SEMA6D: variants seen among roughly 807,000 people sequenced by gnomAD.
SEMA6D encodes the protein semaphorin 6D.
In SEMA6D, 35 loss-of-function variants were observed where a neutral mutation model predicts 106.6. That is an observed-to-expected ratio of 0.33 (90% CI 0.25 to 0.44). The LOEUF (loss-of-function observed/expected upper bound fraction) is 0.44. Ranked by LOEUF, SEMA6D falls within the 20% of genes least tolerant of loss-of-function variation. The pLI, the probability that SEMA6D is intolerant of heterozygous loss-of-function variation, is 1.00. For missense variants in SEMA6D, 1,185 were observed against 1,345.9 expected, an observed-to-expected ratio of 0.88 and a Z score of 1.87; for synonymous variants, 499 against 487.7, an observed-to-expected ratio of 1.02 and a Z score of -0.31.
chr15:47,405,420 C>T (rs1029983539), intron 1 of SEMA6D, among the ~76,000 whole-genome samples: 2 of 152,118 alleles, frequency 1.3e-5, no homozygotes, highest in Non-Finnish European at 2.9e-5. Context: ...CATCACCCTC[C>T]TCCACTACCC....
intron 1 of SEMA6D, among the ~76,000 whole-genome samples, chr15:47,310,453 A>G (rs972687937): frequency 6.6e-5 from 10 of 152,206 alleles, no homozygotes; most frequent in African/African-American, 2.2e-4. Context: ...GCAATGAGCC[A>G]ATTGCTCTTT....
intron 1 of SEMA6D, among the ~76,000 whole-genome samples, chr15:47,390,777 C>T (rs550001900): frequency 6.6e-6 from 1 of 152,170 alleles, no homozygotes. Flanking sequence ...TTCTTCATAG[C>T]ATTTATATCA....
intron 1 of SEMA6D, 40 bp downstream of exon 1, chr15:47,717,732 GC>G (rs1220011946): frequency 2.7e-5 from 4 of 149,396 alleles, no homozygotes; most frequent in African/African-American, 1.0e-4. Flanking sequence ...CTCTTGTGGC[GC>G]CCGGTGGGGG....
In SEMA6D at chr15:47,411,210, C is replaced by T. The variant is rs553365989; in HGVS notation, c.-238-1183C>T. Among the ~76,000 whole-genome samples the T allele has an allele frequency of 2.0e-5, 3 of 152,194 alleles. No individual in the cohort carries two copies. The South Asian group carries it at 6.2e-4, about 32-fold the overall frequency. On this transcript the variant is annotated intron_variant, in intron 1 of 19. Coordinates refer to the SEMA6D transcript ENST00000558014. ...TCCTGGGTTCAAGCGATTCTCTTGCCTCAGCCTCTGAAGTAGCTGGGACTA... is the reference window on the plus strand; with the variant it reads ...TCCTGGGTTCAAGCGATTCTCTTGCTTCAGCCTCTGAAGTAGCTGGGACTA...
At chr15:47,367,568 C>G (rs1000485026) in intron 1 of SEMA6D, among the ~76,000 whole-genome samples, 14 of 152,190 alleles carry the variant, frequency 9.2e-5, no homozygotes, top group African/African-American at 3.4e-4. Flanking sequence ...TAAACTATAG[C>G]TTAAAGTTGC....
At chr15:47,221,755 T>G (rs2031227529) in intron 1 of SEMA6D, among the ~76,000 whole-genome samples, 1 of 152,188 alleles carries the variant, frequency 6.6e-6, no homozygotes, top group Admixed American at 6.5e-5. Flanking sequence ...TTAATCGTTA[T>G]CACTATTTTG....
intron 3 of SEMA6D, among the ~76,000 whole-genome samples, chr15:47,540,435 G>GAA: frequency 6.8e-6 from 1 of 146,222 alleles, no homozygotes; most frequent in East Asian, 2.0e-4. Context: ...AACTTGTACT[G>GAA]AAAAAAAAAA....
chr15:47,609,441 CAG>C (rs2076849493), intron 4 of SEMA6D, among the ~76,000 whole-genome samples: 1 of 152,084 alleles, frequency 6.6e-6, no homozygotes, highest in Admixed American at 6.6e-5. Context: ...AAACAGAAAA[CAG>C]AAGACTTTTC....
chr15:47,388,756 A>G (rs2039929894), intron 1 of SEMA6D, among the ~76,000 whole-genome samples: 1 of 151,972 alleles, frequency 6.6e-6, no homozygotes, highest in South Asian at 2.1e-4. Context: ...TGTAAAAGAG[A>G]AAAGGAGATA....
chr15:47,227,484 T>C (rs772492106), intron 1 of SEMA6D, among the ~76,000 whole-genome samples: 7 of 58,504 alleles, frequency 1.2e-4, no homozygotes, highest in Admixed American at 3.3e-4. Flanking sequence ...CTCTTTCTTT[T>C]TCTTTCTTTC....
intron 1 of SEMA6D, among the ~76,000 whole-genome samples, chr15:47,720,372 T>A (rs754264381): frequency 2.0e-5 from 3 of 151,742 alleles, no homozygotes; most frequent in Non-Finnish European, 4.4e-5. Context: ...TTGATTTAGA[T>A]TTGTGGGCAT....
chr15:47,459,648 G>A (rs2042441883), intron 2 of SEMA6D, among the ~76,000 whole-genome samples: 1 of 151,996 alleles, frequency 6.6e-6, no homozygotes, highest in Non-Finnish European at 1.5e-5. Flanking sequence ...ATATCCATAA[G>A]TGGAAATATT....
intron 1 of SEMA6D, among the ~76,000 whole-genome samples, chr15:47,198,397 T>C (rs1481780029): frequency 6.6e-6 from 1 of 152,196 alleles, no homozygotes; most frequent in East Asian, 1.9e-4. Context: ...ATTCAAAGTA[T>C]GTATTTTTCA....
At chr15:47,509,289 G>A (rs192042099) in intron 3 of SEMA6D, among the ~76,000 whole-genome samples, 15 of 149,666 alleles carry the variant, frequency 1.0e-4, no homozygotes, top group Middle Eastern at 6.8e-3. Context: ...CCCAAACTGG[G>A]ACCTTTGTCC....
intron 1 of SEMA6D, among the ~76,000 whole-genome samples, chr15:47,404,881 G>A (rs281315): frequency 0.59 from 90,160 of 152,016 alleles, 27,583 homozygotes; most frequent in Middle Eastern, 0.71. Flanking sequence ...CCAGAAATCT[G>A]TAGTTTCATA....
At chr15:47,349,705 G>A (rs1217420531) in intron 1 of SEMA6D, among the ~76,000 whole-genome samples, 1 of 150,626 alleles carries the variant, frequency 6.6e-6, no homozygotes, top group African/African-American at 2.4e-5. Flanking sequence ...AAAAAATATG[G>A]ATCTAGAGAT....
At chr15:47,471,360 T>TC (rs971916180) in intron 3 of SEMA6D, among the ~76,000 whole-genome samples, 3 of 152,102 alleles carry the variant, frequency 2.0e-5, no homozygotes, top group African/African-American at 7.2e-5. Flanking sequence ...ACTCCCACTT[T>TC]CCCCCCCAGA....
chr15:47,364,738 C>T (rs192204471), intron 1 of SEMA6D, among the ~76,000 whole-genome samples: 1 of 152,060 alleles, frequency 6.6e-6, no homozygotes, highest in Non-Finnish European at 1.5e-5. Flanking sequence ...TTCCTATCCC[C>T]TCCCCTCGTC....
chr15:47,528,840 T>C (rs923853702), intron 3 of SEMA6D, among the ~76,000 whole-genome samples: 11 of 152,202 alleles, frequency 7.2e-5, no homozygotes, highest in Non-Finnish European at 1.6e-4. Flanking sequence ...CACCAACCCC[T>C]AACACAGTTG....
Sources: allele counts gnomAD v4.1 joint callset (sites outside exome capture counted in the v4.1 genomes callset), GRCh38; gene constraint gnomAD v4.1.1; transcripts MANE v1.5; gene names NCBI Gene and HGNC (gene_info 2026-07-23, HGNC 2026-07-21).